The following EIF3L variants were observed in gnomAD, a reference collection of about 807,000 sequenced individuals.
EIF3L encodes the protein eIEF associated protein HSPC021.
Under a neutral mutation model 74.6 loss-of-function variants are expected in EIF3L, and 32 were observed. The ratio of observed to expected loss-of-function variants is 0.43; its 90% CI spans 0.32 to 0.58. The LOEUF (loss-of-function observed/expected upper bound fraction) is 0.58. Ranked by LOEUF, EIF3L falls within the 20% of genes least tolerant of loss-of-function variation. The probability of loss-of-function intolerance (pLI) is 0.06; values close to 1 mark genes in which losing one functional copy is unlikely to be tolerated. For synonymous variants in EIF3L, 256 were observed against 254.4 expected (o/e 1.01, Z -0.06); for missense variants, 474 against 707.8 (o/e 0.67, Z 3.75).
At chr22:37,873,337 T>C (rs1482782740) in intron 8 of EIF3L, among the ~76,000 whole-genome samples, 10 of 142,360 alleles carry the variant, frequency 7.0e-5, no homozygotes, top group Admixed American at 1.4e-4. Flanking sequence ...CTCGCTCTGT[T>C]GCCCAGGCTG....
chr22:37,859,959 C>T (rs1158963546), intron 5 of EIF3L, among the ~76,000 whole-genome samples: 2 of 152,040 alleles, frequency 1.3e-5, no homozygotes, highest in East Asian at 3.9e-4. Context: ...TTGCAGTGAG[C>T]CGAGATCGTA....
intron 5 of EIF3L, among the ~76,000 whole-genome samples, chr22:37,860,545 G>A (rs1022594286): frequency 1.3e-5 from 2 of 152,106 alleles, no homozygotes; most frequent in Non-Finnish European, 2.9e-5. Flanking sequence ...GCTAATTTTT[G>A]TATTTTTAGT....
At position 37,875,822 on chromosome 22, in the gene EIF3L, G is replaced by A. The variant is rs1233437746; in HGVS notation, c.907-19G>A. 3 of 1,606,542 alleles carry A rather than the reference G, an allele frequency of 1.9e-6. No individual in the cohort carries two copies. Among genetic ancestry groups the A allele is most frequent in the Admixed American group, 3.4e-5 (2 of 59,700 alleles). ...GATGAATTGGGACTCATGAATGTTTGTTCTACCTCCTTCTACAGAGTATGT... is the reference window on the plus strand; with the variant it reads ...GATGAATTGGGACTCATGAATGTTTATTCTACCTCCTTCTACAGAGTATGT... On this transcript the variant is annotated intron_variant, in intron 9 of 12. Transcript: ENST00000652021.
chr22:37,867,311 A>G (rs986868998), intron 7 of EIF3L, among the ~76,000 whole-genome samples: 5 of 152,078 alleles, frequency 3.3e-5, no homozygotes, highest in African/African-American at 4.8e-5. Context: ...GCCAAGACCA[A>G]CTGTTTTCTG....
chr22:37,865,495 A>G (rs1480691884), intron 7 of EIF3L, among the ~76,000 whole-genome samples: 1 of 152,192 alleles, frequency 6.6e-6, no homozygotes, highest in African/African-American at 2.4e-5. Flanking sequence ...ATATAATTTG[A>G]CAAAATATAA....
At position 37,874,499 on chromosome 22, in the gene EIF3L, T is replaced by C; in HGVS notation, c.881T>C (p.Leu294Pro). ...GATTACTACCAGGCCATCAAGGTGC[T>C]GGAGAACATCGAACTGAACAAGAAG... ...LGDYYQAIKV[L>P]ENIELNKKSM... Residue 294 changes from leucine to proline, a missense_variant, in exon 9 of 13, where the codon CTG (leucine) becomes CCG (proline). Leu to Pro is a moderately conservative substitution (Grantham distance 98). Around this residue, in one of 4 missense-constraint regions of EIF3L, gnomAD observed 293 missense variants for 469.1 expected, o/e 0.62. Transcript: ENST00000652021. The C allele has an allele frequency of 1.2e-6, 2 of 1,614,162 alleles. No homozygotes were observed. The highest frequency in any genetic ancestry group is 1.7e-6 in the Non-Finnish European group (2 of 1,180,004).
chr22:37,864,175 G>T (rs917466121), intron 7 of EIF3L, among the ~76,000 whole-genome samples: 2 of 152,130 alleles, frequency 1.3e-5, no homozygotes, highest in African/African-American at 4.8e-5. Flanking sequence ...TCCCACCTCA[G>T]CCACCTGAGT....
intron 7 of EIF3L, among the ~76,000 whole-genome samples, chr22:37,867,702 C>A (rs1479719634): frequency 6.6e-6 from 1 of 150,640 alleles, no homozygotes; most frequent in African/African-American, 2.4e-5. Flanking sequence ...CACCTGTAAT[C>A]CCAGCACTTT....
chr22:37,862,413 T>C (rs563420954), intron 5 of EIF3L, among the ~76,000 whole-genome samples: 1 of 152,300 alleles, frequency 6.6e-6, no homozygotes, highest in South Asian at 2.1e-4. Context: ...GCCATGATGG[T>C]TTCTGTCAGA....
intron 5 of EIF3L, among the ~76,000 whole-genome samples, chr22:37,859,080 C>T (rs1569112912): frequency 6.6e-6 from 1 of 151,620 alleles, no homozygotes; most frequent in Non-Finnish European, 1.5e-5. Context: ...CCCTTCAGAG[C>T]ATTGAGCCTC....
At chr22:37,862,901 A>G in intron 5 of EIF3L, 68 bp from the exon 6 acceptor site, 2 of 1,162,424 alleles carry the variant, frequency 1.7e-6, no homozygotes, top group Non-Finnish European at 1.3e-6. Flanking sequence ...CAGCTGTCAC[A>G]GTATACCATG....
chr22:37,873,501 G>C (rs1204636359), intron 8 of EIF3L, among the ~76,000 whole-genome samples: 4 of 151,886 alleles, frequency 2.6e-5, no homozygotes, highest in Non-Finnish European at 5.9e-5. Flanking sequence ...GTTTCACCTA[G>C]CCAGGATGGT....
intron 8 of EIF3L, among the ~76,000 whole-genome samples, chr22:37,873,011 CAG>C (rs1434061261): frequency 4.0e-5 from 6 of 151,626 alleles, no homozygotes; most frequent in African/African-American, 1.2e-4. Context: ...TTTTTTGAGA[CAG>C]AGTCTTGCTC....
intron 3 of EIF3L, among the ~76,000 whole-genome samples, chr22:37,854,166 G>A (rs946983175): frequency 5.9e-5 from 9 of 152,134 alleles, no homozygotes; most frequent in African/African-American, 1.9e-4. Flanking sequence ...AGTAAAGGAG[G>A]CAGAAAGAAA....
chr22:37,875,772 T>A, intron 9 of EIF3L, 69 bp from the exon 10 acceptor site: 1 of 1,478,940 alleles, frequency 6.8e-7, no homozygotes, highest in Non-Finnish European at 9.2e-7. Flanking sequence ...AAACTCTTGG[T>A]GTTTCTACCT....
rs1276773520 is a variant in EIF3L at position 37,855,474 on chromosome 22, C to T, written c.294-91C>T. On this transcript the variant is annotated intron_variant, in intron 3 of 12. Coordinates refer to ENST00000652021, the MANE Select transcript of EIF3L (RefSeq NM_016091.4). ...AGCTCTGTTTATTTGACATCTTCCC[C>T]TTTCTAAGCCTGGGTCCTCATCTGT... 4 of 1,198,050 alleles carry T rather than the reference C, an allele frequency of 3.3e-6. 1 individual carries two copies. The highest frequency in any genetic ancestry group is 4.9e-6 in the Non-Finnish European group (4 of 821,974). The allele number at this position is 1,198,050 out of a possible 1,614,324, so 74.2% of individuals were successfully genotyped here.
intron 10 of EIF3L, chr22:37,876,273 G>A (rs1601777148): frequency 5.3e-6 from 2 of 377,670 alleles, no homozygotes; most frequent in East Asian, 8.6e-5. Flanking sequence ...GGGCTTAAAG[G>A]CGCACACAAC....
At chr22:37,868,960 AGAGAT>A (rs1926330687) in intron 7 of EIF3L, among the ~76,000 whole-genome samples, 1 of 151,818 alleles carries the variant, frequency 6.6e-6, no homozygotes, top group Non-Finnish European at 1.5e-5. Flanking sequence ...TATTTTTAGT[AGAGAT>A]GGGGTTTCAC....
chr22:37,867,576 TGAACC>T (rs1287150658), intron 7 of EIF3L, among the ~76,000 whole-genome samples: 1 of 148,462 alleles, frequency 6.7e-6, no homozygotes, highest in Non-Finnish European at 1.5e-5. Context: ...GAGAATCACT[TGAACC>T]GAGAGGCAGA....
Sources: gnomAD v4.1 joint callset for allele counts (sites outside exome capture counted in the v4.1 genomes callset) on GRCh38, gnomAD v4.1.1 for gene constraint, gnomAD v4.1.1 regional missense constraint, MANE v1.5 for transcripts, NCBI Gene and HGNC (gene_info 2026-07-23, HGNC 2026-07-21) for gene names.